BRWD1: variants seen among roughly 807,000 people sequenced by gnomAD.
BRWD1 encodes the protein bromodomain and WD repeat-containing protein 1.
Under a neutral mutation model 251.2 loss-of-function variants are expected in BRWD1, and 82 were observed. The ratio of observed to expected loss-of-function variants is 0.33; its 90% confidence interval spans 0.27 to 0.39. The LOEUF is 0.39. BRWD1 is among the 10% of genes least tolerant of loss of function. BRWD1 has a pLI of 1.00. For synonymous variants in BRWD1, 918 were observed against 902.8 expected (o/e 1.02, Z -0.30); for missense variants, 2,233 against 2,711.6 (o/e 0.82, Z 3.92).
chr21:39,195,029 T>G lies in BRWD1; in HGVS notation c.*1230A>C. The G allele has an allele frequency of 1.5e-6, 2 of 1,357,754 alleles. No homozygotes were observed. Among genetic ancestry groups the G allele is most frequent in the Admixed American group, 3.3e-5 (1 of 29,928 alleles). 84.1% of individuals were successfully genotyped at this position (1,357,754 alleles called of 1,614,324 possible). The stretch of plus-strand genomic sequence containing the variant: ...CTGGAGTAGCATAACCTATCAAGTA[T>G]TTGGTTAGAAAATAAGTGTACTATT... On this transcript the variant is annotated 3_prime_UTR_variant, in exon 41 of 41. Transcript: ENST00000342449.
At chr21:39,261,463 A>G (rs1601408792) in intron 17 of BRWD1, among the ~76,000 whole-genome samples, 2 of 152,202 alleles carry the variant, frequency 1.3e-5, no homozygotes, top group South Asian at 2.1e-4. Flanking sequence ...AAAGAATATA[A>G]TAACTCCTAC....
chr21:39,216,385 T>G (rs1258825471), intron 31 of BRWD1, among the ~76,000 whole-genome samples: 1 of 152,108 alleles, frequency 6.6e-6, no homozygotes, highest in Non-Finnish European at 1.5e-5. Flanking sequence ...ATCTAACAAC[T>G]TAACAAAATT....
At chr21:39,218,068 T>C in intron 31 of BRWD1, 84 bp downstream of exon 31, 1 of 1,377,350 alleles carries the variant, frequency 7.3e-7, no homozygotes, top group Non-Finnish European at 9.7e-7. Context: ...CCCCCAATTC[T>C]ACCACTATCT....
Position 39,298,465 on chromosome 21 carries a change from C to A in BRWD1, c.316G>T (p.Ala106Ser), listed in dbSNP as rs1380656377. ...SISRVTSLLG[A>S]GRQSLLRTAK... ...GTACGTAGCAAAGACTGCCTTCCTGCACCAAGTAAAGAAGTGACTCTTGAA... is the reference window on the plus strand; with the variant it reads ...GTACGTAGCAAAGACTGCCTTCCTGAACCAAGTAAAGAAGTGACTCTTGAA... Residue 106 changes from alanine to serine, a missense_variant, in exon 5 of 41, where the codon GCA (alanine) becomes TCA (serine). Transcript: ENST00000342449. 1 of 1,606,508 alleles carries A rather than the reference C, an allele frequency of 6.2e-7. No individual in the cohort carries two copies. Among genetic ancestry groups the A allele is most frequent in the East Asian group, 2.3e-5 (1 of 44,376 alleles).
rs930909901 is a variant in BRWD1 at position 39,296,447 on chromosome 21, T to C, written c.350-84A>G. On this transcript the variant is annotated intron_variant, in intron 5 of 40. Coordinates refer to ENST00000342449, the MANE Select transcript of BRWD1 (RefSeq NM_033656.4). The stretch of plus-strand genomic sequence containing the variant: ...TATAGAATACTTACGTATATTGTAA[T>C]AAACTGTTTATTCAACATTTTACCA... The C allele has an allele frequency of 2.6e-5, 35 of 1,367,628 alleles. No individual in the cohort carries two copies. The South Asian group carries it at 4.1e-4, about 16-fold the overall frequency. 84.7% of individuals were successfully genotyped at this position (1,367,628 alleles called of 1,614,324 possible). A position where few individuals can be genotyped will look rare whatever the true frequency, so the allele number is the denominator to read the frequency against.
chr21:39,233,540 C>T (rs2033699849), intron 23 of BRWD1, among the ~76,000 whole-genome samples: 1 of 151,996 alleles, frequency 6.6e-6, no homozygotes, highest in African/African-American at 2.4e-5. Flanking sequence ...CAATAACACA[C>T]ACACACAAAA....
At position 39,271,739 on chromosome 21, in the gene BRWD1, A is replaced by G. The variant is rs546174374; in HGVS notation, c.1245-1306T>C. Among the ~76,000 whole-genome samples the G allele has an allele frequency of 5.3e-5, 8 of 150,498 alleles. No homozygotes were observed. The South Asian group carries it at 1.7e-3, about 32-fold the overall frequency. The stretch of plus-strand genomic sequence containing the variant: ...AAAAAAGATATTACAAGCATCTAAC[A>G]TGTTTTAATTAACAAAGGCTGGGCA... On this transcript the variant is annotated intron_variant, in intron 13 of 40. Coordinates refer to ENST00000342449, the MANE Select transcript of BRWD1 (RefSeq NM_033656.4).
intron 4 of BRWD1, among the ~76,000 whole-genome samples, chr21:39,309,372 T>C (rs2036392909): frequency 1.3e-5 from 2 of 148,346 alleles, no homozygotes; most frequent in South Asian, 4.3e-4. Context: ...GTGGGAAGAT[T>C]GCTTGAGCCT....
In BRWD1 at chr21:39,313,053, G is replaced by T; in HGVS notation, c.138+19C>A. 7.2e-7 allele frequency: 1 copy of T among 1,392,912 alleles called. No homozygotes were observed. The highest frequency in any genetic ancestry group is 9.3e-7 in the Non-Finnish European group (1 of 1,069,580). The allele number at this position is 1,392,912 out of a possible 1,614,324, so 86.3% of individuals were successfully genotyped here. On this transcript the variant is annotated intron_variant, in intron 3 of 40. Coordinates refer to ENST00000342449, the MANE Select transcript of BRWD1 (RefSeq NM_033656.4). ...GGCAGGAGGAACCCGAGGGAGCGCGGGGACGGGCGCGCACAGACCTGGTAC... is the reference window on the plus strand; with the variant it reads ...GGCAGGAGGAACCCGAGGGAGCGCGTGGACGGGCGCGCACAGACCTGGTAC...
At chr21:39,300,666 C>T (rs114453350) in intron 4 of BRWD1, among the ~76,000 whole-genome samples, 28 of 152,206 alleles carry the variant, frequency 1.8e-4, no homozygotes, top group African/African-American at 6.5e-4. Context: ...ACTCTTTACA[C>T]AAAAAGTTAC....
At chr21:39,277,625 G>A (rs1011010100) in intron 10 of BRWD1, among the ~76,000 whole-genome samples, 1 of 152,110 alleles carries the variant, frequency 6.6e-6, no homozygotes, top group African/African-American at 2.4e-5. Context: ...GCCCAATGGT[G>A]TGATCTCGGC....
intron 15 of BRWD1, among the ~76,000 whole-genome samples, chr21:39,268,461 T>C (rs1043277177): frequency 1.4e-5 from 2 of 145,972 alleles, no homozygotes; most frequent in Non-Finnish European, 3.0e-5. Flanking sequence ...AAAAAAAAAA[T>C]TATCACCATA....
intron 5 of BRWD1, chr21:39,297,408 A>C: frequency 1.0e-6 from 1 of 985,300 alleles, no homozygotes; most frequent in Non-Finnish European, 1.2e-6. Flanking sequence ...CTTGCTGAAG[A>C]CTCTTCTAAG....
At chr21:39,185,394 CAAT>C (rs532237998), downstream of BRWD1, 72 of 146,812 alleles carry the variant, frequency 4.9e-4, no homozygotes, top group East Asian at 1.6e-3. Context: ...ATAATATACT[CAAT>C]AAATATTATA....
chr21:39,218,725 T>G, intron 29 of BRWD1, 65 bp from the exon 30 acceptor site: 1 of 1,282,198 alleles, frequency 7.8e-7, no homozygotes, highest in Non-Finnish European at 1.0e-6. Flanking sequence ...TATACGGTAT[T>G]AAAATTCAAT....
At chr21:39,256,244 T>C (rs1015150579) in intron 18 of BRWD1, among the ~76,000 whole-genome samples, 7 of 152,376 alleles carry the variant, frequency 4.6e-5, no homozygotes, top group Middle Eastern at 3.4e-3. Context: ...CATTACATTA[T>C]ATATGCATTC....
chr21:39,189,376 A>G lies in BRWD1; in HGVS notation c.*6883T>C, dbSNP rs2031423788. ...AGAAATTCCATTTTGATGTGTGATC[A>G]AAGTACCTATACTGACAATTTAGGA... On this transcript the variant is annotated 3_prime_UTR_variant, in exon 41 of 41. Coordinates refer to ENST00000342449, the MANE Select transcript of BRWD1 (RefSeq NM_033656.4). 4 of 983,696 alleles carry G rather than the reference A, an allele frequency of 4.1e-6. No individual in the cohort carries two copies. The highest frequency in any genetic ancestry group is 9.4e-5 in the South Asian group (2 of 21,248). 60.9% of individuals were successfully genotyped at this position (983,696 alleles called of 1,614,324 possible).
At chr21:39,286,118 C>T (rs2035630482) in intron 8 of BRWD1, among the ~76,000 whole-genome samples, 1 of 149,398 alleles carries the variant, frequency 6.7e-6, no homozygotes, top group South Asian at 2.1e-4. Context: ...AGGTTCACGC[C>T]ATTCTCCTGC....
At chr21:39,223,951 C>T (rs565476781) in intron 29 of BRWD1, among the ~76,000 whole-genome samples, 33 of 152,252 alleles carry the variant, frequency 2.2e-4, no homozygotes, top group African/African-American at 6.0e-4. Context: ...CGGGTTCAAA[C>T]AATTCTCCTG....
Sources: gnomAD v4.1 joint callset for allele counts (sites outside exome capture counted in the v4.1 genomes callset) on GRCh38, gnomAD v4.1.1 for gene constraint, MANE v1.5 for transcripts, NCBI Gene and HGNC (gene_info 2026-07-23, HGNC 2026-07-21) for gene names.